The following FBXW7 variants were observed in gnomAD, a reference collection of about 807,000 sequenced individuals.
FBXW7 encodes the protein F-box and WD repeat domain containing 7.
In FBXW7, 11 loss-of-function variants were observed where a neutral mutation model predicts 86.3. That is an observed-to-expected ratio of 0.13 (90% CI 0.08 to 0.21). The LOEUF is 0.21. FBXW7 is among the 10% of genes least tolerant of loss of function. The probability of loss-of-function intolerance (pLI) is 1.00; values close to 1 mark genes in which losing one functional copy is unlikely to be tolerated. For synonymous variants in FBXW7, 313 were observed against 297.9 expected (o/e 1.05, Z -0.52); for missense variants, 488 against 847.4 (o/e 0.58, Z 5.27).
At position 152,337,956 on chromosome 4, in the gene FBXW7, A is replaced by C; in HGVS notation, c.727-20T>G. Reference sequence around the variant, plus strand: ...CCAGCTCTATCAAAGAGAATTAGAAATTTTTATTGTTTTAACAGATGTCCC... The same window carrying C: ...CCAGCTCTATCAAAGAGAATTAGAACTTTTTATTGTTTTAACAGATGTCCC... On this transcript the variant is annotated intron_variant, in intron 6 of 13. Transcript: ENST00000281708. 6.3e-7 allele frequency: 1 copy of C among 1,587,138 alleles called. No individual in the cohort carries two copies. The highest frequency in any genetic ancestry group is 1.2e-5 in the South Asian group (1 of 85,946).
At chr4:152,375,781 T>G (rs540476294) in intron 4 of FBXW7, among the ~76,000 whole-genome samples, 1 of 152,078 alleles carries the variant, frequency 6.6e-6, no homozygotes, top group African/African-American at 2.4e-5. Flanking sequence ...GTTTTTGAAC[T>G]GATACAATTT....
chr4:152,381,748 A>T (rs1377464361), intron 4 of FBXW7, among the ~76,000 whole-genome samples: 1 of 152,128 alleles, frequency 6.6e-6, no homozygotes, highest in Admixed American at 6.6e-5. Flanking sequence ...ATAGCAATTT[A>T]AAAAAATAAT....
chr4:152,478,531 A>G (rs867412349), intron 2 of FBXW7, among the ~76,000 whole-genome samples: 9 of 152,086 alleles, frequency 5.9e-5, no homozygotes, highest in Non-Finnish European at 1.3e-4. Flanking sequence ...ACACTGCTGT[A>G]TAAGTTATCC....
intron 2 of FBXW7, among the ~76,000 whole-genome samples, chr4:152,483,487 G>A (rs1745073513): frequency 6.6e-6 from 1 of 151,670 alleles, no homozygotes; most frequent in Non-Finnish European, 1.5e-5. Flanking sequence ...AGGATCACTT[G>A]AGCCCAGGAG....
intron 2 of FBXW7, among the ~76,000 whole-genome samples, chr4:152,433,880 T>C (rs1228647876): frequency 6.6e-6 from 1 of 152,198 alleles, no homozygotes; most frequent in East Asian, 1.9e-4. Flanking sequence ...ATTCCACGCA[T>C]CTTACATGTA....
chr4:152,392,749 C>A (rs945389729), intron 4 of FBXW7, among the ~76,000 whole-genome samples: 1 of 151,906 alleles, frequency 6.6e-6, no homozygotes, highest in Non-Finnish European at 1.5e-5. Flanking sequence ...GTTAATTTTA[C>A]AATGTAACAG....
intron 2 of FBXW7, among the ~76,000 whole-genome samples, chr4:152,519,311 T>TAAAG (rs1427496764): frequency 3.0e-3 from 449 of 151,618 alleles, no homozygotes; most frequent in African/African-American, 6.9e-3. Flanking sequence ...AATAAATAAA[T>TAAAG]AAATAAATAA....
chr4:152,443,201 G>A lies in FBXW7; in HGVS notation c.-119-30672C>T, dbSNP rs1206910075. ...CACTTGAACCCGGGAGGCGGAGGTT[G>A]TGGTGAGCCGAAATCGCACCATTGC... On this transcript the variant is annotated intron_variant, in intron 2 of 13. Transcript: ENST00000281708. Among the ~76,000 whole-genome samples, 3 of 152,204 alleles carry A rather than the reference G, an allele frequency of 2.0e-5. No individual in the cohort carries two copies. In the East Asian group the frequency reaches 5.8e-4, roughly 29 times the overall value.
At chr4:152,439,632 G>A (rs1276384129) in intron 2 of FBXW7, among the ~76,000 whole-genome samples, 1 of 152,102 alleles carries the variant, frequency 6.6e-6, no homozygotes, top group Admixed American at 6.5e-5. Context: ...TCGGGAGGCT[G>A]AGGCGGGCCG....
chr4:152,492,264 C>CA (rs1560963866), intron 2 of FBXW7, among the ~76,000 whole-genome samples: 1 of 151,932 alleles, frequency 6.6e-6, no homozygotes, highest in Admixed American at 6.6e-5. Context: ...ATGAATATAC[C>CA]AAAAAATTTT....
At chr4:152,427,092 T>C (rs1739454631) in intron 2 of FBXW7, among the ~76,000 whole-genome samples, 1 of 152,100 alleles carries the variant, frequency 6.6e-6, no homozygotes, top group Non-Finnish European at 1.5e-5. Context: ...TTAATGAAAT[T>C]GGTGTGGTTA....
chr4:152,346,116 A>G (rs1182364624), intron 6 of FBXW7, among the ~76,000 whole-genome samples: 1 of 152,166 alleles, frequency 6.6e-6, no homozygotes, highest in Non-Finnish European at 1.5e-5. Flanking sequence ...AGAAGAGATA[A>G]ATCAATGTAA....
At chr4:152,524,121 C>T (rs1161409671) in intron 2 of FBXW7, among the ~76,000 whole-genome samples, 2 of 152,158 alleles carry the variant, frequency 1.3e-5, no homozygotes, top group South Asian at 2.1e-4. Context: ...GTGCTAAAGG[C>T]TTACATGCAT....
intron 4 of FBXW7, among the ~76,000 whole-genome samples, chr4:152,380,898 G>T (rs1735005944): frequency 6.6e-6 from 1 of 151,866 alleles, no homozygotes; most frequent in South Asian, 2.1e-4. Flanking sequence ...TGACTTTAAA[G>T]CTATTAGAGG....
intron 6 of FBXW7, among the ~76,000 whole-genome samples, chr4:152,344,675 G>C (rs1731086358): frequency 6.6e-6 from 1 of 152,006 alleles, no homozygotes; most frequent in Admixed American, 6.6e-5. Context: ...CAAGCAAACG[G>C]TGTACAATGA....
chr4:152,450,564 G>C (rs184281580), intron 2 of FBXW7, among the ~76,000 whole-genome samples: 1 of 152,104 alleles, frequency 6.6e-6, no homozygotes, highest in East Asian at 1.9e-4. Context: ...CTAGCAAATG[G>C]GTAAGCTAGG....
chr4:152,390,142 G>GGT (rs1735871660), intron 4 of FBXW7, among the ~76,000 whole-genome samples: 1 of 149,462 alleles, frequency 6.7e-6, no homozygotes, highest in South Asian at 2.1e-4. Context: ...CTACTGTAGT[G>GGT]GTCTAAACAC....
intron 2 of FBXW7, among the ~76,000 whole-genome samples, chr4:152,514,860 A>G (rs1001685705): frequency 6.6e-6 from 1 of 152,220 alleles, no homozygotes; most frequent in African/African-American, 2.4e-5. Flanking sequence ...TCGGGTATTT[A>G]CAGCAACACA....
intron 4 of FBXW7, among the ~76,000 whole-genome samples, chr4:152,370,715 C>T (rs1028558435): frequency 2.0e-5 from 3 of 151,816 alleles, no homozygotes; most frequent in East Asian, 1.9e-4. Flanking sequence ...GTAAGATGTA[C>T]GTTTGAGAAA....
Sources: gnomAD v4.1 joint callset for allele counts (sites outside exome capture counted in the v4.1 genomes callset) on GRCh38, gnomAD v4.1.1 for gene constraint, MANE v1.5 for transcripts, NCBI Gene and HGNC (gene_info 2026-07-23, HGNC 2026-07-21) for gene names.